The following PIK3IP1 variants were observed in gnomAD, a reference collection of about 807,000 sequenced individuals.
PIK3IP1 encodes phosphoinositide-3-kinase-interacting protein 1.
In PIK3IP1, 28 loss-of-function variants were observed where a neutral mutation model predicts 30.7. The ratio of observed to expected loss-of-function variants is 0.91; its 90% confidence interval spans 0.68 to 1.25. The LOEUF is 1.25. Ranked by LOEUF, PIK3IP1 falls within the 50% of genes most tolerant of loss-of-function variation. The pLI is 0.00. For synonymous variants in PIK3IP1, 159 were observed against 140.8 expected (o/e 1.13, Z -0.91); for missense variants, 333 against 346.2 (o/e 0.96, Z 0.30).
At chr22:31,283,435 A>C in intron 5 of PIK3IP1, 147 bp from the exon 6 acceptor site, 1 of 769,146 alleles carries the variant, frequency 1.3e-6, no homozygotes, top group South Asian at 1.7e-5. Context: ...ACTCAGGTCC[A>C]GGATTCTAGG....
At chr22:31,287,083 C>CA (rs1873884560) in intron 5 of PIK3IP1, among the ~76,000 whole-genome samples, 1 of 141,804 alleles carries the variant, frequency 7.1e-6, no homozygotes, top group South Asian at 2.3e-4. Context: ...TGCAGTGGCA[C>CA]AATCATGGCT....
chr22:31,288,621 A>G (rs2123889742), intron 5 of PIK3IP1, among the ~76,000 whole-genome samples: 1 of 152,376 alleles, frequency 6.6e-6, no homozygotes, highest in Middle Eastern at 3.4e-3. Context: ...CTGGCTTACC[A>G]TCATGCACCA....
intron 5 of PIK3IP1, among the ~76,000 whole-genome samples, chr22:31,285,671 T>A (rs533599617): frequency 5.9e-5 from 9 of 152,370 alleles, no homozygotes; most frequent in South Asian, 4.1e-4. Context: ...AGCCTTTTTT[T>A]AAATTTCTAT....
At position 31,289,499 on chromosome 22, in the gene PIK3IP1, C is replaced by G. The variant is rs2123890688; in HGVS notation, c.508G>C (p.Gly170Arg). The change falls in exon 4 of 6, where the codon GGC becomes CGC. Residue 170 changes from glycine (G) to arginine (R), a missense_variant and splice_region_variant. By Grantham distance (125) the Gly-to-Arg change is moderately radical. Around this residue, in one of 3 missense-constraint regions of PIK3IP1, gnomAD observed 217 missense variants for 227.7 expected, o/e 0.95. Coordinates refer to ENST00000215912, the MANE Select transcript of PIK3IP1 (RefSeq NM_052880.5). ...GGGCAGGGGTGGGGGACCGTCATAC[C>G]CAGAGTTCCCAGGTCCTTTTTCTCC... The part of the protein sequence containing the change: ...SKEKKDLGTL[G>R]YVLGITMMVI... 2 of 1,534,036 alleles carry G rather than the reference C, an allele frequency of 1.3e-6. No homozygotes were observed. Among genetic ancestry groups the G allele is most frequent in the Middle Eastern group, 1.7e-4 (1 of 5,734 alleles).
At chr22:31,284,723 C>T (rs1030556627) in intron 5 of PIK3IP1, among the ~76,000 whole-genome samples, 1 of 152,142 alleles carries the variant, frequency 6.6e-6, no homozygotes, top group Non-Finnish European at 1.5e-5. Flanking sequence ...CAGTTTTTCC[C>T]TCCCCTTTTT....
intron 5 of PIK3IP1, among the ~76,000 whole-genome samples, chr22:31,288,334 G>T (rs575700554): frequency 6.9e-6 from 1 of 145,674 alleles, no homozygotes; most frequent in African/African-American, 2.6e-5. Context: ...AGCCGTGATC[G>T]CACCACTGCA....
rs202122937 is a variant in PIK3IP1 at position 31,289,650 on chromosome 22, C to T, written c.357G>A (p.Ala119=). ...CCTCATCTGCACCTGGCCCTTCAGA[C>T]GCTTCCTGGATTTCTGTCGTGAAGG... The part of the protein sequence containing the change: ...LPAFTTEIQE[A]SEGPGADEVQ... Residue 119 remains alanine, a synonymous_variant, in exon 4 of 6, where the codon GCG becomes GCA. Coordinates refer to ENST00000215912, the MANE Select transcript of PIK3IP1 (RefSeq NM_052880.5). 44 of 1,554,454 alleles carry T rather than the reference C, an allele frequency of 2.8e-5. No individual in the cohort carries two copies. The East Asian group carries it at 5.3e-4, about 19-fold the overall frequency.
intron 5 of PIK3IP1, among the ~76,000 whole-genome samples, chr22:31,288,440 AAAGG>A (rs10589447): frequency 0.39 from 56,811 of 144,152 alleles, 12,662 homozygotes; most frequent in Middle Eastern, 0.57. Flanking sequence ...GGGAGGGAGG[AAAGG>A]AAGGAAAAAT....
chr22:31,289,908 C>T lies in PIK3IP1; in HGVS notation c.308-209G>A, dbSNP rs1177210350. ...GGACAAGGCAAATGAGAGAGGAAGGCCGTAGGGAAGGGCTTCTCTCCTACC... is the reference window on the plus strand; with the variant it reads ...GGACAAGGCAAATGAGAGAGGAAGGTCGTAGGGAAGGGCTTCTCTCCTACC... On this transcript the variant is annotated intron_variant, in intron 3 of 5. Transcript: ENST00000215912. 3 of 520,920 alleles carry T rather than the reference C, an allele frequency of 5.8e-6. No homozygotes were observed. In the African/African-American group the frequency reaches 5.8e-5, roughly 10 times the overall value. The allele number at this position is 520,920 out of a possible 1,614,324, so 32.3% of individuals were successfully genotyped here. A position where few individuals can be genotyped will look rare whatever the true frequency, so the allele number is the denominator to read the frequency against.
intron 5 of PIK3IP1, among the ~76,000 whole-genome samples, chr22:31,284,927 G>A (rs1234457050): frequency 6.7e-6 from 1 of 148,662 alleles, no homozygotes; most frequent in African/African-American, 2.5e-5. Flanking sequence ...ATCCCAGCCA[G>A]GGAAAAGCTC....
chr22:31,282,680 T>C lies in PIK3IP1; in HGVS notation c.*404A>G, dbSNP rs2049098598. On this transcript the variant is annotated 3_prime_UTR_variant, in exon 6 of 6. Coordinates refer to ENST00000215912, the MANE Select transcript of PIK3IP1 (RefSeq NM_052880.5). The stretch of plus-strand genomic sequence containing the variant: ...CCCTTGACCTGCTTTACCTTAACCA[T>C]GAATAACAGTGTATGCCACTCAAGC... The C allele has an allele frequency of 5.6e-6, 1 of 177,436 alleles. No individual in the cohort carries two copies. The highest frequency in any genetic ancestry group is 2.3e-5 in the African/African-American group (1 of 42,630). The allele number at this position is 177,436 out of a possible 1,614,324, so 11.0% of individuals were successfully genotyped here. A position where few individuals can be genotyped will look rare whatever the true frequency, so the allele number is the denominator to read the frequency against.
intron 5 of PIK3IP1, among the ~76,000 whole-genome samples, chr22:31,283,531 C>T (rs558403845): frequency 2.6e-5 from 4 of 152,000 alleles, no homozygotes; most frequent in African/African-American, 7.2e-5. Context: ...AATAGGGTGA[C>T]AGCAGTATGG....
Position 31,291,282 on chromosome 22 carries a change from T to G in PIK3IP1, c.85A>C (p.Asn29His). ...AYGSGGCFWDNGHLYREDQTS... is the reference protein window; with the variant it reads ...AYGSGGCFWDHGHLYREDQTS... The stretch of plus-strand genomic sequence containing the variant: ...TGGTCCTCCCGGTACAGGTGGCCGT[T>G]GTCCCAGAAACAGCCTGTGAGGAAA... Residue 29 changes from asparagine (N) to histidine (H), a missense_variant, in exon 2 of 6, where the codon AAC (asparagine) becomes CAC (histidine). By Grantham distance (68) the Asn-to-His change is moderately conservative (BLOSUM62 1). This residue lies in a region of PIK3IP1 where 111 missense variants were observed against 100.1 expected (regional missense o/e 1.11). Transcript: ENST00000215912. 6.4e-7 allele frequency: 1 copy of G among 1,556,640 alleles called. No individual in the cohort carries two copies. Among genetic ancestry groups the G allele is most frequent in the Non-Finnish European group, 8.7e-7 (1 of 1,150,996 alleles).
chr22:31,287,849 C>T (rs1288245291), intron 5 of PIK3IP1, among the ~76,000 whole-genome samples: 1 of 152,088 alleles, frequency 6.6e-6, no homozygotes, highest in East Asian at 1.9e-4. Context: ...CCTCTTGCCT[C>T]AGTTTCCTCA....
At chr22:31,290,868 G>A (rs2049170534) in intron 3 of PIK3IP1, 97 bp downstream of exon 3, 2 of 1,421,144 alleles carry the variant, frequency 1.4e-6, no homozygotes, top group East Asian at 2.8e-5. Flanking sequence ...GCGGAGCGGG[G>A]CCGGCCGGCA....
chr22:31,283,934 C>T (rs942500604), intron 5 of PIK3IP1, among the ~76,000 whole-genome samples: 5 of 151,742 alleles, frequency 3.3e-5, no homozygotes, highest in Admixed American at 2.0e-4. Flanking sequence ...GATGGAGTTT[C>T]GTGCTTTTTG....
At chr22:31,291,718 A>T (rs2049181271) in intron 1 of PIK3IP1, among the ~76,000 whole-genome samples, 1 of 152,012 alleles carries the variant, frequency 6.6e-6, no homozygotes, top group African/African-American at 2.4e-5. Flanking sequence ...CAGACGTGAC[A>T]TTTGTCCCTG....
At chr22:31,286,889 A>G (rs1182831665) in intron 5 of PIK3IP1, among the ~76,000 whole-genome samples, 3 of 152,252 alleles carry the variant, frequency 2.0e-5, no homozygotes, top group Non-Finnish European at 4.4e-5. Flanking sequence ...CTGCATGTCA[A>G]GCATCCCATT....
At chr22:31,290,694 T>C (rs1201645051) in intron 3 of PIK3IP1, 3 of 432,938 alleles carry the variant, frequency 6.9e-6, no homozygotes, top group Middle Eastern at 5.9e-4. Context: ...CAAAAGCCAC[T>C]CCTCAGGACG....
Sources: gnomAD v4.1 joint callset for allele counts (sites outside exome capture counted in the v4.1 genomes callset) on GRCh38, gnomAD v4.1.1 for gene constraint, gnomAD v4.1.1 regional missense constraint, MANE v1.5 for transcripts, NCBI Gene and HGNC (gene_info 2026-07-23, HGNC 2026-07-21) for gene names.